Variants in DAG1 observed in about 807,000 individuals in gnomAD.
DAG1 encodes the protein dystroglycan 1 (dystrophin-associated glycoprotein 1).
In DAG1, 8 loss-of-function variants were observed where a neutral mutation model predicts 46.1. That is an observed-to-expected ratio of 0.17 (90% CI 0.10 to 0.31). The LOEUF (loss-of-function observed/expected upper bound fraction) is 0.31. Ranked by LOEUF, DAG1 falls within the 10% of genes least tolerant of loss-of-function variation. The probability of loss-of-function intolerance (pLI) is 1.00; values close to 1 mark genes in which losing one functional copy is unlikely to be tolerated. For synonymous variants in DAG1, 495 were observed against 481.8 expected (o/e 1.03, Z -0.36); for missense variants, 1,003 against 1,189.9 (o/e 0.84, Z 2.31).
Position 49,532,876 on chromosome 3 carries a change from G to A in DAG1, c.2365G>A (p.Ala789Thr), listed in dbSNP as rs757340530. 1.9e-6 allele frequency: 3 copies of A among 1,614,106 alleles called. No individual in the cohort carries two copies. The highest frequency in any genetic ancestry group is 2.5e-6 in the Non-Finnish European group (3 of 1,180,020). The change falls in exon 3 of 3, where the codon GCC becomes ACC. Residue 789 changes from alanine (A) to threonine (T), a missense_variant. Physicochemically the swap from Ala to Thr is moderately conservative, Grantham distance 58 (BLOSUM62 0). Transcript: ENST00000308775. The surrounding 1 kb of genome is among the most constrained non-coding windows in gnomAD (Gnocchi z 5.4). ...RKGKLTLEDQ[A>T]TFIKKGVPII... ...GGGCAAGCTTACCCTTGAGGACCAG[G>A]CCACCTTCATCAAGAAGGGGGTGCC...
chr3:49,492,379 G>A (rs1015640731), intron 1 of DAG1, among the ~76,000 whole-genome samples: 1 of 152,202 alleles, frequency 6.6e-6, no homozygotes, highest in Non-Finnish European at 1.5e-5. Flanking sequence ...GGATGTGGTG[G>A]TTTATGCCTG....
intron 1 of DAG1, among the ~76,000 whole-genome samples, chr3:49,486,983 A>C (rs1331076709): frequency 6.6e-6 from 1 of 151,776 alleles, no homozygotes; most frequent in African/African-American, 2.4e-5. Context: ...TCTGCCTCCC[A>C]GGTTGAAGTG....
intron 1 of DAG1, among the ~76,000 whole-genome samples, chr3:49,478,539 T>TTA (rs1553642856): frequency 6.7e-5 from 8 of 118,558 alleles, no homozygotes; most frequent in Admixed American, 8.3e-5. Flanking sequence ...TTTTTTTTTT[T>TTA]TTTTTTTTTT....
intron 1 of DAG1, among the ~76,000 whole-genome samples, chr3:49,472,323 A>C (rs1235011929): frequency 6.6e-6 from 1 of 152,090 alleles, no homozygotes; most frequent in Non-Finnish European, 1.5e-5. Context: ...GAGGAGCTAC[A>C]TTCTGGAATG....
intron 1 of DAG1, among the ~76,000 whole-genome samples, chr3:49,508,038 TTC>T (rs2050654633): frequency 6.6e-6 from 1 of 152,064 alleles, no homozygotes; most frequent in Non-Finnish European, 1.5e-5. Flanking sequence ...AGTAATTGTC[TTC>T]TCTTTTTTCT....
chr3:49,493,724 A>T (rs531815823), intron 1 of DAG1, among the ~76,000 whole-genome samples: 2 of 152,316 alleles, frequency 1.3e-5, no homozygotes, highest in South Asian at 2.1e-4. Flanking sequence ...GCAATGTGGG[A>T]GCTAGTGGGG....
chr3:49,508,178 C>T (rs1454131708), intron 1 of DAG1, among the ~76,000 whole-genome samples: 8 of 108,510 alleles, frequency 7.4e-5, no homozygotes, highest in Non-Finnish European at 1.5e-4. Flanking sequence ...CTTCTGCTTG[C>T]TTTTGGTTTA....
At chr3:49,490,892 T>TC (rs2050163609) in intron 1 of DAG1, among the ~76,000 whole-genome samples, 1 of 147,144 alleles carries the variant, frequency 6.8e-6, no homozygotes, top group East Asian at 2.0e-4. Context: ...TTTTTTTTTT[T>TC]TTTTTTTTTT....
chr3:49,490,135 C>T (rs2050143196), intron 1 of DAG1, among the ~76,000 whole-genome samples: 1 of 152,072 alleles, frequency 6.6e-6, no homozygotes, highest in African/African-American at 2.4e-5. Context: ...AGACGGATCA[C>T]GAGGTCAGGA....
intron 1 of DAG1, among the ~76,000 whole-genome samples, chr3:49,495,916 G>A (rs1225997017): frequency 6.6e-6 from 1 of 151,248 alleles, no homozygotes; most frequent in African/African-American, 2.4e-5. Context: ...GCGAGACTCC[G>A]TCTCAAAAAA....
At chr3:49,508,764 A>G (rs2050681559) in intron 1 of DAG1, among the ~76,000 whole-genome samples, 1 of 152,084 alleles carries the variant, frequency 6.6e-6, no homozygotes, top group Admixed American at 6.6e-5. Context: ...CCTGACTTCA[A>G]GTGAACCTCC....
chr3:49,477,729 A>AGGCG (rs2049722229), intron 1 of DAG1, among the ~76,000 whole-genome samples: 1 of 152,110 alleles, frequency 6.6e-6, no homozygotes, highest in Admixed American at 6.6e-5. Flanking sequence ...TGGGAGGCCG[A>AGGCG]TGTGCACAGA....
In DAG1 at chr3:49,535,376, G is replaced by A. The variant is rs886089298; in HGVS notation, c.*2177G>A. 1.3e-5 allele frequency: 2 copies of A among 152,700 alleles called. No homozygotes were observed. Among genetic ancestry groups the A allele is most frequent in the African/African-American group, 4.8e-5 (2 of 41,466 alleles). 9.5% of individuals were successfully genotyped at this position (152,700 alleles called of 1,614,324 possible). A position where few individuals can be genotyped will look rare whatever the true frequency, so the allele number is the denominator to read the frequency against. On this transcript the variant is annotated 3_prime_UTR_variant, in exon 3 of 3. Transcript: ENST00000308775. ...GAATGGCCTGTTGCCATAGCAACTG[G>A]AGGCGATGGGGCAGTGAACAGAATA...
chr3:49,528,848 G>A (rs553697020), intron 2 of DAG1, among the ~76,000 whole-genome samples: 5 of 147,692 alleles, frequency 3.4e-5, no homozygotes, highest in East Asian at 2.0e-4. Flanking sequence ...TAATAATAAC[G>A]CCTTTTTTTT....
intron 2 of DAG1, among the ~76,000 whole-genome samples, chr3:49,520,294 C>T (rs148202463): frequency 4.6e-5 from 7 of 152,350 alleles, no homozygotes; most frequent in South Asian, 2.1e-4. Flanking sequence ...CACAGGATAA[C>T]CCTGAGTGTG....
intron 2 of DAG1, among the ~76,000 whole-genome samples, chr3:49,529,869 C>CT (rs1235526482): frequency 6.6e-6 from 1 of 152,122 alleles, no homozygotes; most frequent in African/African-American, 2.4e-5. Flanking sequence ...CTTGGGTGCT[C>CT]TGAGTATGAC....
At position 49,533,237 on chromosome 3, in the gene DAG1, G is replaced by T; in HGVS notation, c.*38G>T. On this transcript the variant is annotated 3_prime_UTR_variant, in exon 3 of 3. Coordinates refer to ENST00000308775, the MANE Select transcript of DAG1 (RefSeq NM_004393.6). ...TGGGTGGAGGCAGGGTAGGGCAGGG[G>T]CCTGGAGACGACATGGTGTTGTCTG... 1 of 1,603,868 alleles carries T rather than the reference G, an allele frequency of 6.2e-7. No individual in the cohort carries two copies. The highest frequency in any genetic ancestry group is 2.2e-5 in the East Asian group (1 of 44,832).
chr3:49,531,254 C>T lies in DAG1; in HGVS notation c.743C>T (p.Ala248Val), dbSNP rs1207068118. 1.2e-6 allele frequency: 2 copies of T among 1,613,876 alleles called. No homozygotes were observed. Among genetic ancestry groups the T allele is most frequent in the Admixed American group, 1.7e-5 (1 of 59,990 alleles). ...GCCTTCATGGCTGGCCCGGGAAATGCAAAAAAGGTGGTGGAGAATGGGGCC... is the reference window on the plus strand; with the variant it reads ...GCCTTCATGGCTGGCCCGGGAAATGTAAAAAAGGTGGTGGAGAATGGGGCC... ...MSAFMAGPGNAKKVVENGALL... is the reference protein window; with the variant it reads ...MSAFMAGPGNVKKVVENGALL... Residue 248 changes from alanine (A) to valine (V), a missense_variant, in exon 3 of 3, where the codon GCA (alanine) becomes GTA (valine). Physicochemically the swap from Ala to Val is moderately conservative, Grantham distance 64. Transcript: ENST00000308775. This position sits in a 1 kb window ranked among gnomAD's most constrained non-coding sequence, Gnocchi z 7.0.
intron 1 of DAG1, among the ~76,000 whole-genome samples, chr3:49,486,186 TTTTATTTATTTA>T (rs34143078): frequency 2.7e-3 from 398 of 145,210 alleles, no homozygotes; most frequent in Middle Eastern, 7.1e-3. Flanking sequence ...TTTCTTTTTC[TTTTATTTATTTA>T]TTTATTTATT....
Sources: gnomAD v4.1 joint callset for allele counts (sites outside exome capture counted in the v4.1 genomes callset) on GRCh38, gnomAD v4.1.1 for gene constraint, Gnocchi (gnomAD v3.1) non-coding constraint, MANE v1.5 for transcripts, NCBI Gene and HGNC (gene_info 2026-07-23, HGNC 2026-07-21) for gene names.